The following ABCA13 variants were observed in gnomAD, a reference collection of about 807,000 sequenced individuals.
ABCA13 encodes the protein ATP binding cassette subfamily A member 13.
In ABCA13, 476 loss-of-function variants were observed where a neutral mutation model predicts 478.7. The ratio of observed to expected loss-of-function variants is 0.99; its 90% CI spans 0.92 to 1.07. The LOEUF is 1.07. Among genes scored for constraint, ABCA13 ranks in the 50% least tolerant of loss-of-function variants. The probability of loss-of-function intolerance (pLI) is 0.00; values close to 1 mark genes in which losing one functional copy is unlikely to be tolerated. For synonymous variants in ABCA13, 2,252 were observed against 2,158.9 expected (o/e 1.04, Z -1.20); for missense variants, 6,060 against 5,910.6 (o/e 1.03, Z -0.83).
At chr7:48,195,585 G>A (rs1374286020) in intron 2 of ABCA13, among the ~76,000 whole-genome samples, 4 of 152,132 alleles carry the variant, frequency 2.6e-5, no homozygotes, top group African/African-American at 9.7e-5. Flanking sequence ...GGGATTTGGG[G>A]AGCTGTGCTC....
At chr7:48,400,865 T>G (rs1399436470) in intron 38 of ABCA13, among the ~76,000 whole-genome samples, 1 of 152,266 alleles carries the variant, frequency 6.6e-6, no homozygotes. Flanking sequence ...TTATATTCAC[T>G]GATTAAAATG....
At chr7:48,337,630 A>G (rs1273771743) in intron 28 of ABCA13, among the ~76,000 whole-genome samples, 3 of 152,224 alleles carry the variant, frequency 2.0e-5, no homozygotes, top group Non-Finnish European at 4.4e-5. Context: ...GCAAATTCCA[A>G]AATTAATTCC....
At chr7:48,207,084 G>A (rs1454168148) in intron 3 of ABCA13, among the ~76,000 whole-genome samples, 2 of 152,072 alleles carry the variant, frequency 1.3e-5, no homozygotes, top group African/African-American at 2.4e-5. Context: ...TCTGTGCCTG[G>A]CTTATTTCCC....
intron 19 of ABCA13, among the ~76,000 whole-genome samples, chr7:48,286,126 C>G (rs1485629137): frequency 6.6e-6 from 1 of 152,196 alleles, no homozygotes; most frequent in Non-Finnish European, 1.5e-5. Context: ...ACCATAGCCT[C>G]CCTCATTATC....
chr7:48,410,156 C>T (rs1161615929), intron 39 of ABCA13, among the ~76,000 whole-genome samples: 3 of 150,098 alleles, frequency 2.0e-5, no homozygotes, highest in African/African-American at 7.3e-5. Context: ...AGATAACCAC[C>T]CAGCTTTTTT....
At chr7:48,629,702 C>A (rs1793998551) in intron 59 of ABCA13, among the ~76,000 whole-genome samples, 1 of 151,890 alleles carries the variant, frequency 6.6e-6, no homozygotes, top group African/African-American at 2.4e-5. Context: ...GTGCACCTGT[C>A]CCTTGTCATC....
intron 53 of ABCA13, among the ~76,000 whole-genome samples, chr7:48,522,622 G>A (rs1832631000): frequency 6.6e-6 from 1 of 152,142 alleles, no homozygotes; most frequent in Non-Finnish European, 1.5e-5. Flanking sequence ...CACATTTCTG[G>A]GCATAGTTGG....
intron 59 of ABCA13, among the ~76,000 whole-genome samples, chr7:48,641,786 C>T (rs1795119873): frequency 6.6e-6 from 1 of 152,092 alleles, no homozygotes; most frequent in South Asian, 2.1e-4. Flanking sequence ...CTTGGGAAGC[C>T]CCTTCAACCA....
chr7:48,203,309 C>T (rs1799118035), intron 3 of ABCA13, among the ~76,000 whole-genome samples: 1 of 152,230 alleles, frequency 6.6e-6, no homozygotes. Flanking sequence ...TCCACACCTC[C>T]CCGCAAGCTG....
At chr7:48,383,886 T>C (rs1234438525) in intron 35 of ABCA13, among the ~76,000 whole-genome samples, 1 of 152,226 alleles carries the variant, frequency 6.6e-6, no homozygotes, top group Non-Finnish European at 1.5e-5. Flanking sequence ...TCTTTGAAAG[T>C]ACTGTTAATG....
Position 48,335,543 on chromosome 7 carries a change from G to T in ABCA13, c.10113+8G>T, listed in dbSNP as rs773970769. 1.7e-5 allele frequency: 28 copies of T among 1,610,996 alleles called. No individual in the cohort carries two copies. Among genetic ancestry groups the T allele is most frequent in the Non-Finnish European group, 2.4e-5 (28 of 1,177,570 alleles). The stretch of plus-strand genomic sequence containing the variant: ...ATGTTCAACCAGCTGCAGGTGAGTG[G>T]TTGGTCTTTGCCACCGAGGGATGGG... On this transcript the variant is annotated splice_region_variant and intron_variant, in intron 28 of 61. Coordinates refer to ENST00000435803, the MANE Select transcript of ABCA13 (RefSeq NM_152701.5).
intron 35 of ABCA13, among the ~76,000 whole-genome samples, chr7:48,382,178 A>G (rs1200854367): frequency 1.3e-5 from 2 of 152,128 alleles, no homozygotes; most frequent in Non-Finnish European, 2.9e-5. Context: ...ACTTACAGCG[A>G]GTTACAGTGC....
At chr7:48,315,933 G>A (rs1802521376) in intron 26 of ABCA13, among the ~76,000 whole-genome samples, 1 of 152,046 alleles carries the variant, frequency 6.6e-6, no homozygotes, top group African/African-American at 2.4e-5. Flanking sequence ...ATAAATCATA[G>A]TATCAAATCT....
Position 48,338,464 on chromosome 7 carries a change from G to A in ABCA13, c.10204+9G>A. On this transcript the variant is annotated intron_variant, in intron 29 of 61. Coordinates refer to ENST00000435803, the MANE Select transcript of ABCA13 (RefSeq NM_152701.5). ...AAAACTCCAGACATACGGTAAGTGT[G>A]CTGATGGGCATGGTAGTGTTCTTCT... The A allele has an allele frequency of 6.3e-7, 1 of 1,577,686 alleles. No individual in the cohort carries two copies. The highest frequency in any genetic ancestry group is 8.6e-7 in the Non-Finnish European group (1 of 1,160,354).
intron 15 of ABCA13, 46 bp from the exon 16 acceptor site, chr7:48,268,934 G>A: frequency 1.2e-6 from 1 of 853,048 alleles, no homozygotes; most frequent in Non-Finnish European, 1.8e-6. Flanking sequence ...AGATTTGTCT[G>A]TTATAACCAG....
intron 47 of ABCA13, among the ~76,000 whole-genome samples, chr7:48,487,207 G>T (rs1428421879): frequency 2.0e-5 from 3 of 152,160 alleles, no homozygotes; most frequent in Admixed American, 2.0e-4. Context: ...CTACTCAGGA[G>T]GCTAAGGCAA....
chr7:48,596,977 A>G (rs1409526469), intron 58 of ABCA13, among the ~76,000 whole-genome samples: 2 of 150,032 alleles, frequency 1.3e-5, no homozygotes, highest in Non-Finnish European at 1.5e-5. Context: ...TTTGAGACAG[A>G]GTCTTGCTCA....
intron 41 of ABCA13, among the ~76,000 whole-genome samples, chr7:48,417,645 A>G (rs1820205536): frequency 6.6e-6 from 1 of 152,214 alleles, no homozygotes; most frequent in South Asian, 2.1e-4. Flanking sequence ...ACATCCCTGC[A>G]GAATGGCTCA....
chr7:48,495,852 T>C (rs1318886313), intron 48 of ABCA13, among the ~76,000 whole-genome samples: 2 of 152,190 alleles, frequency 1.3e-5, no homozygotes, highest in East Asian at 3.8e-4. Flanking sequence ...ATATATGTAG[T>C]GTTCCTCTTT....
Sources: allele counts gnomAD v4.1 joint callset (sites outside exome capture counted in the v4.1 genomes callset), GRCh38; gene constraint gnomAD v4.1.1; transcripts MANE v1.5; gene names NCBI Gene and HGNC (gene_info 2026-07-23, HGNC 2026-07-21).